Variants in PPP1R7 observed in about 807,000 individuals in gnomAD.
The protein encoded by PPP1R7 is protein phosphatase 1 regulatory subunit 22.
A neutral mutation model predicts 45.2 loss-of-function variants in PPP1R7; 18 were observed. That is an observed-to-expected ratio of 0.40 (90% CI 0.28 to 0.59). The LOEUF (loss-of-function observed/expected upper bound fraction) is 0.59, where lower values mean the gene tolerates loss of function less well. Ranked by LOEUF, PPP1R7 falls within the 20% of genes least tolerant of loss-of-function variation. The pLI is 0.46. For missense variants in PPP1R7, 314 were observed against 455.8 expected, an observed-to-expected ratio of 0.69 and a Z score of 2.83; for synonymous variants, 181 against 183.4, an observed-to-expected ratio of 0.99 and a Z score of 0.11.
chr2:241,166,065 G>C (rs929340935), intron 7 of PPP1R7, among the ~76,000 whole-genome samples: 6 of 150,376 alleles, frequency 4.0e-5, no homozygotes, highest in Admixed American at 2.7e-4. Flanking sequence ...ATCACACCTG[G>C]CTAATTTTTT....
In PPP1R7 at chr2:241,169,833, A is replaced by G; in HGVS notation, c.872A>G (p.Asn291Ser). 2 of 1,613,224 alleles carry G rather than the reference A, an allele frequency of 1.2e-6. No individual in the cohort carries two copies. Among genetic ancestry groups the G allele is most frequent in the Admixed American group, 1.7e-5 (1 of 60,032 alleles). Residue 291 changes from asparagine to serine, a missense_variant, in exon 9 of 10, where the codon AAT (asparagine) becomes AGT (serine). Coordinates refer to ENST00000234038, the MANE Select transcript of PPP1R7 (RefSeq NM_002712.3). Reference sequence around the variant, plus strand: ...TCAAATAGAATCAAAAAGATTGAAAATATCAGCCATCTAACAGAGCTGCAA... The same window carrying G: ...TCAAATAGAATCAAAAAGATTGAAAGTATCAGCCATCTAACAGAGCTGCAA... ...IASNRIKKIE[N>S]ISHLTELQEF...
In PPP1R7 at chr2:241,176,174, A is replaced by G. The variant is rs183806758; in HGVS notation, c.906+6307A>G. ...GCAATCCTCCTGCCTGGGCCTCCCA[A>G]AGTGCTGGGATTACAGGTGTGAGCC... On this transcript the variant is annotated intron_variant, in intron 9 of 9. Coordinates refer to ENST00000234038, the MANE Select transcript of PPP1R7 (RefSeq NM_002712.3). Among the ~76,000 whole-genome samples the G allele has an allele frequency of 2.2e-3, 334 of 152,314 alleles. 3 individuals are homozygous for G. The highest frequency in any genetic ancestry group is 0.02 in the South Asian group (96 of 4,822).
At chr2:241,165,939 G>A (rs2067697082) in intron 7 of PPP1R7, among the ~76,000 whole-genome samples, 1 of 145,348 alleles carries the variant, frequency 6.9e-6, no homozygotes, top group African/African-American at 2.6e-5. Context: ...GTCTCGCTCT[G>A]TTGCCCAGGC....
chr2:241,149,785 G>A, upstream of PPP1R7: 3 of 1,535,580 alleles, frequency 2.0e-6, no homozygotes, highest in African/African-American at 4.1e-5. Context: ...TCATGGGCCG[G>A]GTGGCTCCGC....
intron 3 of PPP1R7, among the ~76,000 whole-genome samples, chr2:241,158,240 G>T (rs948160782): frequency 6.6e-6 from 1 of 152,170 alleles, no homozygotes; most frequent in African/African-American, 2.4e-5. Context: ...TGTGCATACA[G>T]GATCTAAGGA....
chr2:241,163,542 C>G (rs1445373156), intron 7 of PPP1R7, 141 bp downstream of exon 7: 3 of 647,472 alleles, frequency 4.6e-6, no homozygotes, highest in Non-Finnish European at 5.5e-6. Flanking sequence ...ACATTAGATG[C>G]CATAGACTTT....
chr2:241,152,137 C>G (rs985814159), intron 1 of PPP1R7, among the ~76,000 whole-genome samples: 2 of 152,240 alleles, frequency 1.3e-5, no homozygotes, highest in Non-Finnish European at 2.9e-5. Flanking sequence ...TATATATCTA[C>G]TGCATGTCAT....
At chr2:241,152,266 C>T (rs1575378264) in intron 1 of PPP1R7, among the ~76,000 whole-genome samples, 1 of 152,192 alleles carries the variant, frequency 6.6e-6, no homozygotes, top group Non-Finnish European at 1.5e-5. Flanking sequence ...CAAATGGAAA[C>T]GATTTGCCAA....
At chr2:241,167,175 T>C (rs2067733792) in intron 8 of PPP1R7, 1 of 1,123,090 alleles carries the variant, frequency 8.9e-7, no homozygotes, top group Non-Finnish European at 1.3e-6. Flanking sequence ...TCTCATTCAA[T>C]TTTACTTGTT....
intron 9 of PPP1R7, among the ~76,000 whole-genome samples, chr2:241,180,074 CACAAAT>C (rs1338580293): frequency 6.6e-6 from 1 of 152,188 alleles, no homozygotes; most frequent in Admixed American, 6.5e-5. Flanking sequence ...GTGTGACAAA[CACAAAT>C]ACATCACATA....
intron 9 of PPP1R7, among the ~76,000 whole-genome samples, chr2:241,173,922 T>A (rs1264650867): frequency 1.3e-5 from 2 of 152,008 alleles, no homozygotes; most frequent in Admixed American, 1.3e-4. Flanking sequence ...CTTTATTTTT[T>A]TTTTTTTGGT....
At chr2:241,181,897 G>A (rs575585576) in intron 9 of PPP1R7, among the ~76,000 whole-genome samples, 145 of 152,198 alleles carry the variant, frequency 9.5e-4, no homozygotes, top group African/African-American at 3.4e-3. Flanking sequence ...CAGGGTGTTT[G>A]AAAGGGAGGG....
At chr2:241,151,953 C>T (rs572548290) in intron 1 of PPP1R7, among the ~76,000 whole-genome samples, 5 of 152,298 alleles carry the variant, frequency 3.3e-5, no homozygotes, top group African/African-American at 1.2e-4. Context: ...TGTTCCAGAC[C>T]CTCTCTGCTG....
chr2:241,171,356 G>A (rs896238749), intron 9 of PPP1R7, among the ~76,000 whole-genome samples: 16 of 152,256 alleles, frequency 1.1e-4, no homozygotes, highest in African/African-American at 3.6e-4. Flanking sequence ...AGCGCTTTAT[G>A]GTGTCCATAC....
At chr2:241,172,526 C>G (rs571443973) in intron 9 of PPP1R7, among the ~76,000 whole-genome samples, 122 of 152,066 alleles carry the variant, frequency 8.0e-4, no homozygotes, top group African/African-American at 2.7e-3. Flanking sequence ...ATGCTGTAGT[C>G]CAAGCTACTC....
intron 9 of PPP1R7, among the ~76,000 whole-genome samples, chr2:241,172,706 G>A (rs2067838058): frequency 6.6e-6 from 1 of 151,148 alleles, no homozygotes; most frequent in Non-Finnish European, 1.5e-5. Flanking sequence ...TTCTGGCATT[G>A]TTTATTCTTT....
At chr2:241,166,915 C>T (rs2067725550) in intron 8 of PPP1R7, 1 of 773,256 alleles carries the variant, frequency 1.3e-6, no homozygotes, top group Admixed American at 2.3e-5. Context: ...AGGACCAGCT[C>T]TCAGTCCCAG....
intron 6 of PPP1R7, among the ~76,000 whole-genome samples, chr2:241,162,053 GCAACAGTCT>G (rs2067604935): frequency 1.3e-5 from 2 of 152,176 alleles, no homozygotes; most frequent in South Asian, 4.1e-4. Context: ...GGTGGTTTTG[GCAACAGTCT>G]CTTGACAGTT....
chr2:241,165,256 T>C (rs1052701585), intron 7 of PPP1R7, among the ~76,000 whole-genome samples: 12 of 150,604 alleles, frequency 8.0e-5, no homozygotes, highest in Non-Finnish European at 1.6e-4. Context: ...CAACCTCAGC[T>C]TCTGGGTTCA....
Sources: gnomAD v4.1 joint callset for allele counts (sites outside exome capture counted in the v4.1 genomes callset) on GRCh38, gnomAD v4.1.1 for gene constraint, MANE v1.5 for transcripts, NCBI Gene and HGNC (gene_info 2026-07-23, HGNC 2026-07-21) for gene names.